LUZP2: variants seen among roughly 807,000 people sequenced by gnomAD.
LUZP2 encodes leucine zipper protein 2.
LUZP2 carries 52 observed loss-of-function variants against 51.6 expected under a neutral mutation model. The observed-to-expected ratio is 1.01, with a 90% CI of 0.81 to 1.27. The LOEUF (loss-of-function observed/expected upper bound fraction) is 1.27. Ranked by LOEUF, LUZP2 falls within the 50% of genes most tolerant of loss-of-function variation. The pLI, the probability that LUZP2 is intolerant of heterozygous loss-of-function variation, is 0.00. For missense variants in LUZP2, 436 were observed against 395.4 expected (o/e 1.10, Z -0.87); for synonymous variants, 154 against 137.3 (o/e 1.12, Z -0.85).
At chr11:24,999,304 T>C (rs1322924531) in intron 9 of LUZP2, among the ~76,000 whole-genome samples, 1 of 151,190 alleles carries the variant, frequency 6.6e-6, no homozygotes, top group South Asian at 2.1e-4. Flanking sequence ...ATACAGATAT[T>C]GCAATGAGAG....
At chr11:24,814,284 C>T (rs1485106485) in intron 5 of LUZP2, among the ~76,000 whole-genome samples, 6 of 152,014 alleles carry the variant, frequency 3.9e-5, no homozygotes, top group Admixed American at 6.6e-5. Context: ...TCTTCATCCT[C>T]GTTTTTCCTG....
intron 3 of LUZP2, among the ~76,000 whole-genome samples, chr11:24,732,675 A>G (rs1224814946): frequency 6.6e-6 from 1 of 151,768 alleles, no homozygotes; most frequent in Non-Finnish European, 1.5e-5. Context: ...TGAGGGAAGC[A>G]TATTATGAAA....
intron 7 of LUZP2, among the ~76,000 whole-genome samples, chr11:24,939,148 G>A (rs529381591): frequency 1.2e-4 from 18 of 151,566 alleles, no homozygotes; most frequent in East Asian, 1.9e-4. Context: ...AAATTATCTC[G>A]GTTCTCTTTT....
intron 1 of LUZP2, among the ~76,000 whole-genome samples, chr11:24,700,775 A>G (rs1173790317): frequency 6.6e-6 from 1 of 152,158 alleles, no homozygotes; most frequent in Non-Finnish European, 1.5e-5. Context: ...GTTGGGGTTC[A>G]TTCTGACATT....
chr11:24,634,789 C>A (rs1249900930), intron 1 of LUZP2, among the ~76,000 whole-genome samples: 2 of 152,074 alleles, frequency 1.3e-5, no homozygotes, highest in Non-Finnish European at 2.9e-5. Flanking sequence ...AAAGGCGGTA[C>A]TGGATTTTGT....
chr11:24,961,918 C>T (rs895243518), intron 7 of LUZP2, among the ~76,000 whole-genome samples: 3 of 151,990 alleles, frequency 2.0e-5, no homozygotes, highest in African/African-American at 7.3e-5. Flanking sequence ...GTGCTTCCTT[C>T]AGGGGCTGTT....
chr11:24,818,249 A>G (rs1240046168), intron 5 of LUZP2, among the ~76,000 whole-genome samples: 1 of 152,102 alleles, frequency 6.6e-6, no homozygotes, highest in African/African-American at 2.4e-5. Flanking sequence ...TCAAGAAGCA[A>G]GACAACAAAC....
At chr11:25,024,334 T>C (rs1161260417) in intron 9 of LUZP2, among the ~76,000 whole-genome samples, 1 of 151,736 alleles carries the variant, frequency 6.6e-6, no homozygotes, top group Non-Finnish European at 1.5e-5. Context: ...GTGTATTCAA[T>C]TAGGAAATGA....
At position 24,527,567 on chromosome 11, in the gene LUZP2, T is replaced by TCTCACACA. The variant is rs796404136; in HGVS notation, c.62+30263_62+30264insTCACACAC. Among the ~76,000 whole-genome samples, 346 of 131,624 alleles carry TCTCACACA rather than the reference T, an allele frequency of 2.6e-3. 1 individual carries two copies. The highest frequency in any genetic ancestry group is 0.012 in the Middle Eastern group (3 of 254). The allele number at this position is 131,624 out of a possible 152,430, so 86.4% of individuals were successfully genotyped here. ...AAATAAGAATCTCTCTCTCTCTCTC[T>TCTCACACA]CACACACACACACACACACACACAC... is the stretch of plus-strand genomic sequence containing the variant. On this transcript the variant is annotated intron_variant, in intron 1 of 11. Transcript: ENST00000336930.
chr11:24,761,223 T>A (rs995872881), intron 4 of LUZP2, among the ~76,000 whole-genome samples: 2 of 152,094 alleles, frequency 1.3e-5, no homozygotes, highest in Admixed American at 1.3e-4. Flanking sequence ...GAGCTTTTAC[T>A]CATGGCAGAA....
chr11:24,625,685 G>T (rs1854650922), intron 1 of LUZP2, among the ~76,000 whole-genome samples: 1 of 150,426 alleles, frequency 6.6e-6, no homozygotes, highest in East Asian at 1.9e-4. Context: ...ATATTCGTTT[G>T]AAAAATGACT....
intron 5 of LUZP2, among the ~76,000 whole-genome samples, chr11:24,817,957 G>C (rs141785253): frequency 6.6e-6 from 1 of 151,858 alleles, no homozygotes; most frequent in East Asian, 1.9e-4. Context: ...TTATTGCTAC[G>C]GGAAGGTTAC....
chr11:24,553,948 A>G (rs1456835345), intron 1 of LUZP2, among the ~76,000 whole-genome samples: 1 of 152,180 alleles, frequency 6.6e-6, no homozygotes, highest in Non-Finnish European at 1.5e-5. Flanking sequence ...ATTTCTCTCT[A>G]AAGTTCCGCG....
chr11:25,017,512 G>C (rs955864313), intron 9 of LUZP2, among the ~76,000 whole-genome samples: 5 of 152,058 alleles, frequency 3.3e-5, no homozygotes, highest in African/African-American at 1.2e-4. Flanking sequence ...TTTATTGAAT[G>C]GGGTGTTGTT....
intron 5 of LUZP2, among the ~76,000 whole-genome samples, chr11:24,880,897 A>G (rs1362104782): frequency 1.3e-5 from 2 of 152,098 alleles, no homozygotes; most frequent in Non-Finnish European, 2.9e-5. Context: ...TATTGCAGGC[A>G]GTAATATGTC....
intron 9 of LUZP2, among the ~76,000 whole-genome samples, chr11:25,028,585 A>G: frequency 6.6e-6 from 1 of 152,308 alleles, no homozygotes; most frequent in East Asian, 1.9e-4. Flanking sequence ...GGGAGCTAAA[A>G]ATTAAAACAA....
intron 7 of LUZP2, among the ~76,000 whole-genome samples, chr11:24,974,726 G>A (rs998155268): frequency 3.3e-5 from 5 of 151,864 alleles, no homozygotes; most frequent in African/African-American, 4.8e-5. Flanking sequence ...ATATCTAAAC[G>A]ATAAGAAGAA....
intron 1 of LUZP2, among the ~76,000 whole-genome samples, chr11:24,586,872 A>C (rs1021105848): frequency 6.6e-5 from 10 of 152,132 alleles, no homozygotes; most frequent in Admixed American, 6.6e-4. Flanking sequence ...ATGCCAGAAC[A>C]GATTCTTCAT....
intron 5 of LUZP2, among the ~76,000 whole-genome samples, chr11:24,787,848 T>A (rs1229947669): frequency 6.6e-6 from 1 of 152,184 alleles, no homozygotes; most frequent in Non-Finnish European, 1.5e-5. Context: ...ATGCTAGTCT[T>A]GAATTTCTGG....
Sources: allele counts gnomAD v4.1 joint callset (sites outside exome capture counted in the v4.1 genomes callset), GRCh38; gene constraint gnomAD v4.1.1; transcripts MANE v1.5; gene names NCBI Gene and HGNC (gene_info 2026-07-23, HGNC 2026-07-21).